Variants in FRMPD2 observed in about 807,000 individuals in gnomAD.
FRMPD2 encodes the protein FERM and PDZ domain-containing protein 2.
FRMPD2 carries 96 observed loss-of-function variants against 140.1 expected under a neutral mutation model. The ratio of observed to expected loss-of-function variants is 0.69; its 90% confidence interval spans 0.58 to 0.81. FRMPD2 has a LOEUF of 0.81. Ranked by LOEUF, FRMPD2 falls within the 40% of genes least tolerant of loss-of-function variation. The probability of loss-of-function intolerance (pLI) is 0.00; values close to 1 mark genes in which losing one functional copy is unlikely to be tolerated. For synonymous variants in FRMPD2, 449 were observed against 547.6 expected (o/e 0.82, Z 2.52); for missense variants, 1,240 against 1,447.4 (o/e 0.86, Z 2.32).
intron 17 of FRMPD2, 46 bp downstream of exon 17, chr10:48,187,146 C>A (rs372129458): frequency 3.7e-6 from 5 of 1,344,568 alleles, no homozygotes; most frequent in Non-Finnish European, 5.2e-6. Context: ...AAGCTTCCTG[C>A]GTAGGGGTTC....
At chr10:48,227,773 T>C (rs879810364) in intron 10 of FRMPD2, among the ~76,000 whole-genome samples, 7 of 152,220 alleles carry the variant, frequency 4.6e-5, no homozygotes, top group African/African-American at 7.2e-5. Flanking sequence ...ATAAACACTT[T>C]TATAAATTAA....
At chr10:48,222,562 G>T (rs1839627366) in intron 11 of FRMPD2, 111 bp from the exon 12 acceptor site, 4 of 1,127,392 alleles carry the variant, frequency 3.5e-6, no homozygotes, top group Non-Finnish European at 2.6e-6. Flanking sequence ...AAGACGAGAT[G>T]CAACTCAATA....
At chr10:48,272,722 C>T (rs1840791418) in intron 1 of FRMPD2, among the ~76,000 whole-genome samples, 3 of 152,136 alleles carry the variant, frequency 2.0e-5, no homozygotes, top group African/African-American at 4.8e-5. Flanking sequence ...CAGATTAAAC[C>T]TAAAAGTGTG....
chr10:48,248,807 G>C, intron 3 of FRMPD2: 1 of 407,500 alleles, frequency 2.5e-6, no homozygotes, highest in Non-Finnish European at 4.3e-6. Flanking sequence ...TACCAATGTA[G>C]AAATTGGGGC....
At position 48,184,895 on chromosome 10, in the gene FRMPD2, T is replaced by C. The variant is rs377110063; in HGVS notation, c.2360-14A>G. 1.9e-6 allele frequency: 3 copies of C among 1,565,082 alleles called. No homozygotes were observed. The African/African-American group carries it at 4.1e-5, about 21-fold the overall frequency. ...TAATGACAAACCCTGTAATCCAAGATGATAGTCCATGATAAGATGATACTT... is the reference window on the plus strand; with the variant it reads ...TAATGACAAACCCTGTAATCCAAGACGATAGTCCATGATAAGATGATACTT... On this transcript the variant is annotated splice_polypyrimidine_tract_variant and intron_variant, in intron 18 of 28. Coordinates refer to ENST00000374201, the MANE Select transcript of FRMPD2 (RefSeq NM_001018071.4).
chr10:48,208,115 G>A (rs948192429), intron 13 of FRMPD2, among the ~76,000 whole-genome samples: 7 of 152,080 alleles, frequency 4.6e-5, no homozygotes, highest in African/African-American at 1.2e-4. Context: ...TTTATTGAGC[G>A]CTGGTGCTGA....
intron 12 of FRMPD2, among the ~76,000 whole-genome samples, chr10:48,221,176 T>C (rs995003390): frequency 2.0e-5 from 3 of 152,056 alleles, no homozygotes; most frequent in African/African-American, 4.8e-5. Context: ...ATTGCAAAAA[T>C]ATGGAACCAG....
Position 48,206,776 on chromosome 10 carries a change from C to T in FRMPD2, c.1769G>A (p.Trp590Ter). 6.2e-7 allele frequency: 1 copy of T among 1,613,980 alleles called. No homozygotes were observed. Among genetic ancestry groups the T allele is most frequent in the Non-Finnish European group, 8.5e-7 (1 of 1,179,860 alleles). ...NSRIAMLRFQ[W>*]RETGKISTYQ... Reference sequence around the variant, plus strand: ...AGTAGAAATCTTCCCGGTTTCTCTCCACTGAAACCGTAACATTGCAATTCT... The same window carrying T: ...AGTAGAAATCTTCCCGGTTTCTCTCTACTGAAACCGTAACATTGCAATTCT... Residue 590 changes from tryptophan to a stop codon, truncating the protein, a stop_gained, in exon 14 of 29, where the codon TGG becomes TAG. Transcript: ENST00000374201. LOFTEE classifies it high-confidence loss of function.
intron 13 of FRMPD2, among the ~76,000 whole-genome samples, chr10:48,208,384 C>G (rs1379411042): frequency 6.6e-6 from 1 of 152,126 alleles, no homozygotes; most frequent in Non-Finnish European, 1.5e-5. Flanking sequence ...GTTCTCTGGG[C>G]CTCAAGATTC....
chr10:48,232,762 A>T (rs1262601456), intron 9 of FRMPD2, among the ~76,000 whole-genome samples: 3 of 152,192 alleles, frequency 2.0e-5, no homozygotes, highest in African/African-American at 7.2e-5. Context: ...GTGGGTGCAG[A>T]TCCAATGAAG....
Position 48,211,207 on chromosome 10 carries a change from T to A in FRMPD2, c.1611+747A>T, listed in dbSNP as rs146551504. 7.7e-4 allele frequency among the ~76,000 whole-genome samples: 117 copies of A among 152,318 alleles called. 1 individual carries two copies. Among genetic ancestry groups the A allele is most frequent in the Admixed American group, 4.5e-3 (69 of 15,306 alleles). ...CCTGGCCCACAGCAAGGGGAGATTGTGGAGTAGCAAAGACTATTCATCATT... is the reference window on the plus strand; with the variant it reads ...CCTGGCCCACAGCAAGGGGAGATTGAGGAGTAGCAAAGACTATTCATCATT... On this transcript the variant is annotated intron_variant, in intron 13 of 28. Coordinates refer to ENST00000374201, the MANE Select transcript of FRMPD2 (RefSeq NM_001018071.4).
At position 48,206,824 on chromosome 10, in the gene FRMPD2, A is replaced by T. The variant is rs776470935; in HGVS notation, c.1721T>A (p.Val574Asp). Residue 574 changes from valine (V) to aspartate (D), a missense_variant, in exon 14 of 29, where the codon GTC becomes GAC. By Grantham distance (152) the Val-to-Asp change is radical. Coordinates refer to ENST00000374201, the MANE Select transcript of FRMPD2 (RefSeq NM_001018071.4). ...TCTGCTGTTGTTTTTCACTTCATAG[A>T]CTATGACACCCTTGGCACAGATCCC... is the stretch of plus-strand genomic sequence containing the variant. Reference protein sequence around the residue: ...ALGICAKGVIVYEVKNNSRIA... With the variant: ...ALGICAKGVIDYEVKNNSRIA... The T allele has an allele frequency of 1.1e-5, 17 of 1,613,994 alleles. No homozygotes were observed. The African/African-American group carries it at 2.0e-4, about 19-fold the overall frequency.
At chr10:48,270,986 T>A (rs535153933) in intron 1 of FRMPD2, among the ~76,000 whole-genome samples, 3 of 152,322 alleles carry the variant, frequency 2.0e-5, no homozygotes, top group Non-Finnish European at 4.4e-5. Flanking sequence ...CCTGCCCTGA[T>A]CCATTCTCTG....
At chr10:48,240,042 C>G (rs1226938745) in intron 6 of FRMPD2, among the ~76,000 whole-genome samples, 3 of 152,018 alleles carry the variant, frequency 2.0e-5, no homozygotes, top group Non-Finnish European at 2.9e-5. Flanking sequence ...ACACCCAGAA[C>G]AATAACTGAA....
intron 1 of FRMPD2, among the ~76,000 whole-genome samples, chr10:48,257,838 T>C (rs1051306713): frequency 6.6e-6 from 1 of 152,184 alleles, no homozygotes; most frequent in African/African-American, 2.4e-5. Context: ...CACATCATAT[T>C]TCCTGTCTCT....
intron 15 of FRMPD2, among the ~76,000 whole-genome samples, chr10:48,200,543 A>T (rs1292069154): frequency 6.6e-6 from 1 of 152,244 alleles, no homozygotes; most frequent in Non-Finnish European, 1.5e-5. Flanking sequence ...GCAGACTGTG[A>T]CAGGAATAAA....
intron 10 of FRMPD2, among the ~76,000 whole-genome samples, chr10:48,226,329 T>C (rs1839720092): frequency 6.6e-6 from 1 of 152,192 alleles, no homozygotes; most frequent in African/African-American, 2.4e-5. Flanking sequence ...CTATCTACAA[T>C]TCCTCCTCCT....
rs1838247347 is a variant in FRMPD2 at position 48,171,311 on chromosome 10, A to G, written c.3224-103T>C. 10 of 728,734 alleles carry G rather than the reference A, an allele frequency of 1.4e-5. No individual in the cohort carries two copies. In the Admixed American group the frequency reaches 1.8e-4, roughly 13 times the overall value. 45.1% of individuals were successfully genotyped at this position (728,734 alleles called of 1,614,324 possible). ...GTCAAGTAGATGAATTATTTCTTTT[A>G]CGTTCAAATAATTCCTTTGCTAATT... On this transcript the variant is annotated intron_variant, in intron 25 of 28. Coordinates refer to ENST00000374201, the MANE Select transcript of FRMPD2 (RefSeq NM_001018071.4).
At chr10:48,261,856 G>C (rs1840596425) in intron 1 of FRMPD2, among the ~76,000 whole-genome samples, 2 of 152,132 alleles carry the variant, frequency 1.3e-5, no homozygotes, top group African/African-American at 4.8e-5. Flanking sequence ...GTATTACTCT[G>C]TAATATGTAC....
Sources: allele counts gnomAD v4.1 joint callset (sites outside exome capture counted in the v4.1 genomes callset), GRCh38; gene constraint gnomAD v4.1.1; transcripts MANE v1.5; gene names NCBI Gene and HGNC (gene_info 2026-07-23, HGNC 2026-07-21).